The following C3orf70 variants were observed in gnomAD, a reference collection of about 807,000 sequenced individuals.
C3orf70 encodes chromosome 3 open reading frame 70.
Under a neutral mutation model 20.7 loss-of-function variants are expected in C3orf70, and 15 were observed. The ratio of observed to expected loss-of-function variants is 0.72; its 90% CI spans 0.48 to 1.11. The LOEUF is 1.11. Ranked by LOEUF, C3orf70 falls within the 50% of genes most tolerant of loss-of-function variation. The pLI, the probability that C3orf70 is intolerant of heterozygous loss-of-function variation, is 0.00. For missense variants in C3orf70, 332 were observed against 317.6 expected, an observed-to-expected ratio of 1.05 and a Z score of -0.34; for synonymous variants, 161 against 125.7, an observed-to-expected ratio of 1.28 and a Z score of -1.88.
intron 1 of C3orf70, among the ~76,000 whole-genome samples, chr3:185,116,430 A>C (rs74840288): frequency 0.012 from 1,777 of 152,368 alleles, 39 homozygotes; most frequent in African/African-American, 0.04. Flanking sequence ...TAGTCTTATC[A>C]ATCTTGCCTT....
Position 185,083,130 on chromosome 3 carries a change from T to A in C3orf70, c.630A>T (p.Gly210=). ...AATCTTCCTCTGAACTCAGTTCTGCTCCTTCTTCTGTGTCCTCGTCACACG... is the reference window on the plus strand; with the variant it reads ...AATCTTCCTCTGAACTCAGTTCTGCACCTTCTTCTGTGTCCTCGTCACACG... The part of the protein sequence containing the change: ...VESCDEDTEE[G]AELSSEEDYS... The change falls in exon 2 of 2, where the codon GGA becomes GGT. Residue 210 remains glycine (G), a synonymous_variant. Coordinates refer to ENST00000335012, the MANE Select transcript of C3orf70 (RefSeq NM_001025266.3). The A allele has an allele frequency of 6.2e-7, 1 of 1,614,194 alleles. No homozygotes were observed. The highest frequency in any genetic ancestry group is 8.5e-7 in the Non-Finnish European group (1 of 1,180,032).
chr3:185,108,485 G>A (rs1398453570), intron 1 of C3orf70, among the ~76,000 whole-genome samples: 1 of 152,230 alleles, frequency 6.6e-6, no homozygotes, highest in Non-Finnish European at 1.5e-5. Flanking sequence ...ATTGCAAACA[G>A]CAGTTAGAAT....
At chr3:185,109,104 T>C (rs961549593) in intron 1 of C3orf70, among the ~76,000 whole-genome samples, 20 of 152,152 alleles carry the variant, frequency 1.3e-4, no homozygotes, top group Admixed American at 9.2e-4. Context: ...AAAACAGCAG[T>C]TGCAAAAGCA....
At chr3:185,118,739 T>C (rs1716233094) in intron 1 of C3orf70, among the ~76,000 whole-genome samples, 1 of 152,176 alleles carries the variant, frequency 6.6e-6, no homozygotes, top group South Asian at 2.1e-4. Flanking sequence ...TTAAAACAAG[T>C]ATCAGAACAC....
At chr3:185,109,650 G>C (rs373063791) in intron 1 of C3orf70, among the ~76,000 whole-genome samples, 3 of 152,186 alleles carry the variant, frequency 2.0e-5, no homozygotes, top group Non-Finnish European at 2.9e-5. Flanking sequence ...CCACTGCCGT[G>C]AGTATTCCTT....
At chr3:185,111,151 T>G (rs1716064032) in intron 1 of C3orf70, among the ~76,000 whole-genome samples, 1 of 152,158 alleles carries the variant, frequency 6.6e-6, no homozygotes, top group African/African-American at 2.4e-5. Context: ...AACTATAAAT[T>G]TTTAGAAGAA....
At chr3:185,108,912 C>G (rs573253821) in intron 1 of C3orf70, among the ~76,000 whole-genome samples, 1 of 152,182 alleles carries the variant, frequency 6.6e-6, no homozygotes, top group Non-Finnish European at 1.5e-5. Context: ...CTGTGTTAAA[C>G]GTCACCTTTT....
chr3:185,130,724 T>A (rs1420939835), intron 1 of C3orf70, among the ~76,000 whole-genome samples: 2 of 152,226 alleles, frequency 1.3e-5, no homozygotes, highest in Non-Finnish European at 2.9e-5. Flanking sequence ...TGTTACTTTC[T>A]GTGTTTGGCT....
intron 1 of C3orf70, among the ~76,000 whole-genome samples, chr3:185,094,513 T>A (rs1715661498): frequency 6.6e-6 from 1 of 152,194 alleles, no homozygotes; most frequent in Non-Finnish European, 1.5e-5. Flanking sequence ...AGCAAAACCC[T>A]TCCCTTGCCA....
intron 1 of C3orf70, among the ~76,000 whole-genome samples, chr3:185,124,499 T>C (rs541979818): frequency 6.6e-6 from 1 of 152,258 alleles, no homozygotes; most frequent in African/African-American, 2.4e-5. Context: ...AGACACAAAT[T>C]TGTAAATAAC....
chr3:185,121,191 G>T (rs980433265), intron 1 of C3orf70, among the ~76,000 whole-genome samples: 2 of 152,066 alleles, frequency 1.3e-5, no homozygotes, highest in Non-Finnish European at 2.9e-5. Flanking sequence ...GGATGCAAAG[G>T]GGTAAGAATG....
At chr3:185,124,687 G>A (rs2108600401) in intron 1 of C3orf70, among the ~76,000 whole-genome samples, 1 of 152,140 alleles carries the variant, frequency 6.6e-6, no homozygotes, top group East Asian at 1.9e-4. Flanking sequence ...ATGTTAAATT[G>A]AGCATCATTA....
chr3:185,115,690 A>G (rs912457207), intron 1 of C3orf70, among the ~76,000 whole-genome samples: 2 of 152,204 alleles, frequency 1.3e-5, no homozygotes, highest in African/African-American at 4.8e-5. Context: ...TTAGGCTGCT[A>G]TAACAAAGCC....
intron 1 of C3orf70, among the ~76,000 whole-genome samples, chr3:185,111,980 T>A (rs1352175531): frequency 6.6e-6 from 1 of 152,152 alleles, no homozygotes; most frequent in Non-Finnish European, 1.5e-5. Flanking sequence ...AAAATACTTT[T>A]AAAACACCAA....
At chr3:185,107,467 C>T (rs558538741) in intron 1 of C3orf70, among the ~76,000 whole-genome samples, 8 of 152,230 alleles carry the variant, frequency 5.3e-5, no homozygotes, top group Admixed American at 5.2e-4. Flanking sequence ...TTGAAAGAAC[C>T]ACTTCAAGTG....
chr3:185,143,216 T>G (rs541705612), intron 1 of C3orf70, among the ~76,000 whole-genome samples: 1 of 152,332 alleles, frequency 6.6e-6, no homozygotes, highest in South Asian at 2.1e-4. Context: ...AGTGTCATGA[T>G]GTCTGCAACT....
At chr3:185,110,308 G>A (rs1415367379) in intron 1 of C3orf70, among the ~76,000 whole-genome samples, 1 of 152,234 alleles carries the variant, frequency 6.6e-6, no homozygotes, top group Non-Finnish European at 1.5e-5. Context: ...CTTAATGCCA[G>A]GAACTGGAGT....
intron 1 of C3orf70, among the ~76,000 whole-genome samples, chr3:185,144,389 C>T (rs898128038): frequency 5.9e-5 from 9 of 152,176 alleles, no homozygotes; most frequent in Admixed American, 5.2e-4. Context: ...ATTTCCACTG[C>T]TTTTTGCTTT....
intron 1 of C3orf70, among the ~76,000 whole-genome samples, chr3:185,113,168 G>A (rs969341830): frequency 6.6e-6 from 1 of 151,986 alleles, no homozygotes; most frequent in Admixed American, 6.6e-5. Flanking sequence ...TGTAGGGCCA[G>A]GCATGGTGGC....
Sources: gnomAD v4.1 joint callset for allele counts (sites outside exome capture counted in the v4.1 genomes callset) on GRCh38, gnomAD v4.1.1 for gene constraint, MANE v1.5 for transcripts, NCBI Gene and HGNC (gene_info 2026-07-23, HGNC 2026-07-21) for gene names.